The following PDE7B variants were observed in gnomAD, a reference collection of about 807,000 sequenced individuals.
The protein encoded by PDE7B is 3',5'-cyclic-AMP phosphodiesterase 7B.
PDE7B carries 29 observed loss-of-function variants against 56.2 expected under a neutral mutation model. That is an observed-to-expected ratio of 0.52 (90% confidence interval 0.38 to 0.70). The LOEUF (loss-of-function observed/expected upper bound fraction) is 0.70. Ranked by LOEUF, PDE7B falls within the 30% of genes least tolerant of loss-of-function variation. PDE7B has a pLI of 0.00. For synonymous variants in PDE7B, 197 were observed against 196.9 expected (o/e 1.00, Z 0.00); for missense variants, 490 against 565.0 (o/e 0.87, Z 1.35).
At chr6:135,876,413 A>G (rs1208248055) in intron 1 of PDE7B, among the ~76,000 whole-genome samples, 1 of 151,948 alleles carries the variant, frequency 6.6e-6, no homozygotes. Context: ...ATTTACTTTT[A>G]TTTTTCCTAC....
At chr6:136,137,386 A>C (rs1435028996) in intron 3 of PDE7B, among the ~76,000 whole-genome samples, 1 of 152,146 alleles carries the variant, frequency 6.6e-6, no homozygotes, top group Non-Finnish European at 1.5e-5. Flanking sequence ...TTAATAACAC[A>C]TTATTAAGAG....
chr6:136,015,427 C>T (rs1391676980), intron 2 of PDE7B, among the ~76,000 whole-genome samples: 1 of 152,206 alleles, frequency 6.6e-6, no homozygotes, highest in Non-Finnish European at 1.5e-5. Flanking sequence ...AATAATATCT[C>T]TTTTTAAAGA....
intron 1 of PDE7B, 41 bp downstream of exon 1, chr6:135,852,060 A>G (rs770287985): frequency 2.2e-6 from 3 of 1,390,154 alleles, no homozygotes; most frequent in Admixed American, 3.3e-5. Flanking sequence ...AGTTTTCTTG[A>G]GAGAATAGAG....
chr6:136,138,555 C>G (rs898409123), intron 3 of PDE7B, among the ~76,000 whole-genome samples: 2 of 152,078 alleles, frequency 1.3e-5, no homozygotes, highest in Admixed American at 6.6e-5. Context: ...CTTTAGAAAG[C>G]TACCTTGAGG....
chr6:135,870,393 T>G (rs1775353666), intron 1 of PDE7B, among the ~76,000 whole-genome samples: 1 of 151,938 alleles, frequency 6.6e-6, no homozygotes, highest in Admixed American at 6.6e-5. Context: ...TGGTGGAGGG[T>G]GCTAATAGTG....
At chr6:136,041,276 C>T (rs1472693705) in intron 2 of PDE7B, among the ~76,000 whole-genome samples, 1 of 151,844 alleles carries the variant, frequency 6.6e-6, no homozygotes. Context: ...CTTTGTTTCT[C>T]ACAAGTGAAG....
chr6:135,930,064 C>A (rs761814787), intron 1 of PDE7B, among the ~76,000 whole-genome samples: 1 of 152,056 alleles, frequency 6.6e-6, no homozygotes, highest in Non-Finnish European at 1.5e-5. Context: ...AAGACATACC[C>A]GAGACTGGGC....
At chr6:136,068,423 C>CTTTTTT (rs33992191) in intron 2 of PDE7B, among the ~76,000 whole-genome samples, 4 of 79,538 alleles carry the variant, frequency 5.0e-5, no homozygotes, top group Non-Finnish European at 6.8e-5. Context: ...ACCAAGATTC[C>CTTTTTT]TTTTTTTTTT....
At chr6:135,938,455 C>A (rs983416949) in intron 1 of PDE7B, among the ~76,000 whole-genome samples, 2 of 152,176 alleles carry the variant, frequency 1.3e-5, no homozygotes, top group African/African-American at 4.8e-5. Flanking sequence ...AGAGCACATA[C>A]CACAATTATT....
intron 1 of PDE7B, among the ~76,000 whole-genome samples, chr6:135,883,013 T>G (rs1239823704): frequency 2.0e-5 from 3 of 152,238 alleles, no homozygotes; most frequent in Admixed American, 2.0e-4. Context: ...TTTTTCAGAC[T>G]ACATATCCTC....
intron 1 of PDE7B, among the ~76,000 whole-genome samples, chr6:135,867,391 GAAA>G (rs1562416831): frequency 6.6e-6 from 1 of 152,092 alleles, no homozygotes; most frequent in Admixed American, 6.6e-5. Context: ...ACATTAAATT[GAAA>G]ACATGTTAAT....
chr6:136,101,268 G>C (rs1777556939), intron 2 of PDE7B, among the ~76,000 whole-genome samples: 1 of 152,172 alleles, frequency 6.6e-6, no homozygotes, highest in Non-Finnish European at 1.5e-5. Flanking sequence ...TCAGGATGAT[G>C]CTGGCCTCAT....
At chr6:135,961,926 TG>T (rs1404474278) in intron 2 of PDE7B, among the ~76,000 whole-genome samples, 1 of 152,178 alleles carries the variant, frequency 6.6e-6, no homozygotes, top group African/African-American at 2.4e-5. Context: ...GATACTGTAA[TG>T]GTAGATACAT....
intron 4 of PDE7B, among the ~76,000 whole-genome samples, chr6:136,147,720 A>C (rs1228854176): frequency 1.3e-5 from 2 of 152,236 alleles, no homozygotes; most frequent in Non-Finnish European, 2.9e-5. Context: ...TTATGTGCTG[A>C]ATATACCCAT....
intron 1 of PDE7B, among the ~76,000 whole-genome samples, chr6:135,924,603 ATCTC>A (rs200131211): frequency 1.6e-5 from 2 of 125,286 alleles, no homozygotes; most frequent in African/African-American, 3.1e-5. Context: ...GAGTAGTGGA[ATCTC>A]TCTCTCTCTC....
intron 9 of PDE7B, 78 bp downstream of exon 9, chr6:136,173,966 C>T: frequency 9.9e-7 from 1 of 1,006,778 alleles, no homozygotes. Context: ...GGCTTGGGAC[C>T]TTTTGCGTGA....
intron 1 of PDE7B, among the ~76,000 whole-genome samples, chr6:135,859,984 C>T (rs762662950): frequency 5.3e-5 from 8 of 151,894 alleles, no homozygotes; most frequent in Non-Finnish European, 1.0e-4. Flanking sequence ...CCTAAAGCCC[C>T]GAGTTCAAGT....
intron 2 of PDE7B, among the ~76,000 whole-genome samples, chr6:135,986,925 G>A (rs1383922600): frequency 6.6e-6 from 1 of 152,184 alleles, no homozygotes; most frequent in Non-Finnish European, 1.5e-5. Flanking sequence ...GAAGTGAGAA[G>A]GGAAGACCTG....
At chr6:135,935,210 A>T (rs1289607680) in intron 1 of PDE7B, among the ~76,000 whole-genome samples, 1 of 89,768 alleles carries the variant, frequency 1.1e-5, no homozygotes, top group African/African-American at 5.6e-5. Flanking sequence ...ATATATATAT[A>T]TATATATTTT....
Sources: allele counts gnomAD v4.1 joint callset (sites outside exome capture counted in the v4.1 genomes callset), GRCh38; gene constraint gnomAD v4.1.1; transcripts MANE v1.5; gene names NCBI Gene and HGNC (gene_info 2026-07-23, HGNC 2026-07-21).